The following PRTG variants were observed in gnomAD, a reference collection of about 807,000 sequenced individuals.
PRTG encodes the protein immunoglobulin superfamily, DCC subclass, member 5.
Under a neutral mutation model 122.5 loss-of-function variants are expected in PRTG, and 67 were observed. That is an observed-to-expected ratio of 0.55 (90% CI 0.45 to 0.67). The LOEUF is 0.67. Ranked by LOEUF, PRTG falls within the 30% of genes least tolerant of loss-of-function variation. PRTG has a pLI of 0.00. For missense variants in PRTG, 1,435 were observed against 1,415.4 expected, an observed-to-expected ratio of 1.01 and a Z score of -0.22; for synonymous variants, 554 against 501.1, an observed-to-expected ratio of 1.11 and a Z score of -1.41.
chr15:55,742,592 G>T, intron 1 of PRTG: 1 of 478,012 alleles, frequency 2.1e-6, no homozygotes, highest in Non-Finnish European at 3.7e-6. Flanking sequence ...CGCGCGGCGC[G>T]GAGGGGCGTG....
At chr15:55,688,430 C>A (rs974239377) in intron 2 of PRTG, among the ~76,000 whole-genome samples, 8 of 152,114 alleles carry the variant, frequency 5.3e-5, no homozygotes, top group African/African-American at 1.9e-4. Flanking sequence ...TCAACCACAG[C>A]CAGCTGTTGC....
At chr15:55,707,123 G>C (rs1300334398) in intron 2 of PRTG, among the ~76,000 whole-genome samples, 1 of 152,226 alleles carries the variant, frequency 6.6e-6, no homozygotes, top group East Asian at 1.9e-4. Context: ...CATGATCAGA[G>C]TTAAGGGTGA....
chr15:55,733,884 T>C (rs2031322150), intron 2 of PRTG, among the ~76,000 whole-genome samples: 2 of 152,104 alleles, frequency 1.3e-5, no homozygotes, highest in Non-Finnish European at 2.9e-5. Context: ...CTCCAAGGAA[T>C]ACATTTAGCA....
At chr15:55,654,859 G>A (rs1157400377) in intron 11 of PRTG, among the ~76,000 whole-genome samples, 2 of 152,164 alleles carry the variant, frequency 1.3e-5, no homozygotes, top group African/African-American at 2.4e-5. Flanking sequence ...GAAGCAACAT[G>A]AAAATATCAT....
At chr15:55,628,176 C>T (rs2059206105) in intron 16 of PRTG, among the ~76,000 whole-genome samples, 2 of 152,100 alleles carry the variant, frequency 1.3e-5, no homozygotes, top group African/African-American at 4.8e-5. Context: ...GCCCTTAATC[C>T]TGCCCTGAGT....
At chr15:55,737,882 A>C (rs2031460724) in intron 2 of PRTG, among the ~76,000 whole-genome samples, 1 of 145,992 alleles carries the variant, frequency 6.8e-6, no homozygotes, top group Non-Finnish European at 1.5e-5. Context: ...TAAGAAAAAA[A>C]ACACACTTGT....
intron 2 of PRTG, among the ~76,000 whole-genome samples, chr15:55,736,313 A>G (rs1412253195): frequency 6.6e-6 from 1 of 152,102 alleles, no homozygotes; most frequent in African/African-American, 2.4e-5. Flanking sequence ...GATCATTAAT[A>G]AAATCCAAAA....
intron 11 of PRTG, among the ~76,000 whole-genome samples, chr15:55,652,036 G>C (rs2141755850): frequency 6.6e-6 from 1 of 152,150 alleles, no homozygotes; most frequent in East Asian, 1.9e-4. Flanking sequence ...GAACATGCTG[G>C]GGTGGCCTAA....
At chr15:55,664,875 C>T (rs2059429845) in intron 11 of PRTG, among the ~76,000 whole-genome samples, 3 of 152,120 alleles carry the variant, frequency 2.0e-5, no homozygotes, top group Admixed American at 1.3e-4. Context: ...GTGTGAGCCA[C>T]TGCACCTGGC....
chr15:55,727,572 G>A (rs2031077565), intron 2 of PRTG, among the ~76,000 whole-genome samples: 2 of 152,134 alleles, frequency 1.3e-5, no homozygotes, highest in Admixed American at 1.3e-4. Flanking sequence ...GAGGTGGGAG[G>A]ACTGCCTGAG....
intron 2 of PRTG, among the ~76,000 whole-genome samples, chr15:55,722,638 A>C (rs924900942): frequency 6.6e-6 from 1 of 152,232 alleles, no homozygotes. Flanking sequence ...TAGTTTCCAG[A>C]GTAGGAAGAG....
intron 17 of PRTG, among the ~76,000 whole-genome samples, chr15:55,625,472 C>A (rs1036684720): frequency 2.0e-5 from 3 of 150,094 alleles, no homozygotes; most frequent in African/African-American, 7.4e-5. Context: ...TTTTTTTAGA[C>A]AGGATCTCTC....
intron 2 of PRTG, among the ~76,000 whole-genome samples, chr15:55,701,274 C>T (rs921072010): frequency 9.9e-5 from 15 of 152,222 alleles, no homozygotes; most frequent in Non-Finnish European, 1.6e-4. Flanking sequence ...CGGTGGCTCA[C>T]GCCTGTAATC....
intron 2 of PRTG, among the ~76,000 whole-genome samples, chr15:55,735,312 T>C (rs8023911): frequency 0.14 from 20,817 of 152,088 alleles, 1,836 homozygotes; most frequent in East Asian, 0.35. Flanking sequence ...AGCAACCTTG[T>C]TCATGAGAGA....
intron 2 of PRTG, among the ~76,000 whole-genome samples, chr15:55,692,455 C>A (rs2059609026): frequency 6.6e-6 from 1 of 152,116 alleles, no homozygotes; most frequent in African/African-American, 2.4e-5. Flanking sequence ...TCTGAGGTTT[C>A]TGGCCCGTAA....
intron 18 of PRTG, among the ~76,000 whole-genome samples, chr15:55,622,988 CA>C (rs2059175242): frequency 2.0e-5 from 3 of 152,142 alleles, no homozygotes; most frequent in African/African-American, 7.2e-5. Context: ...TTCATTTATT[CA>C]TATTTACCTA....
At position 55,614,380 on chromosome 15, in the gene PRTG, A is replaced by AAG. The variant is rs2141699484; in HGVS notation, c.*5630_*5631dup. ...CTGAAAAGCATTCAGTGGCTTGGTG[A>AAG]AGCTGAAGAGAGGAACCAGATTTAA... On this transcript the variant is annotated 3_prime_UTR_variant, in exon 20 of 20. Transcript: ENST00000389286. 6.6e-6 allele frequency: 1 copy of AAG among 152,274 alleles called. No homozygotes were observed. Among genetic ancestry groups the AAG allele is most frequent in the East Asian group, 1.9e-4 (1 of 5,174 alleles). 9.4% of individuals were successfully genotyped at this position (152,274 alleles called of 1,614,324 possible).
chr15:55,710,187 T>A (rs757649007), intron 2 of PRTG, among the ~76,000 whole-genome samples: 12 of 152,178 alleles, frequency 7.9e-5, no homozygotes, highest in Non-Finnish European at 1.3e-4. Context: ...CTTCTATAAT[T>A]TCAAAAATAA....
rs140075371 is a variant in PRTG at position 55,691,873 on chromosome 15, A to G, written c.398-7942T>C. ...TAGGGCGAGACCCCGTCTCTACAAA[A>G]AAAAGTTTTAAAAATTAGCCCAGTG... On this transcript the variant is annotated intron_variant, in intron 2 of 19. Coordinates refer to ENST00000389286, the MANE Select transcript of PRTG (RefSeq NM_173814.6). 4.6e-5 allele frequency among the ~76,000 whole-genome samples: 7 copies of G among 151,764 alleles called. No homozygotes were observed. In the East Asian group the frequency reaches 1.2e-3, roughly 25 times the overall value.
Sources: allele counts gnomAD v4.1 joint callset (sites outside exome capture counted in the v4.1 genomes callset), GRCh38; gene constraint gnomAD v4.1.1; transcripts MANE v1.5; gene names NCBI Gene and HGNC (gene_info 2026-07-23, HGNC 2026-07-21).